Variants in MCRS1 observed in about 807,000 individuals in gnomAD.
MCRS1 encodes microspherule protein 1.
MCRS1 carries 22 observed loss-of-function variants against 62.9 expected under a neutral mutation model. The ratio of observed to expected loss-of-function variants is 0.35; its 90% CI spans 0.25 to 0.50. The LOEUF (loss-of-function observed/expected upper bound fraction) is 0.50. Among genes scored for constraint, MCRS1 ranks in the 20% least tolerant of loss-of-function variants. MCRS1 has a pLI of 0.98. For synonymous variants in MCRS1, 244 were observed against 233.5 expected (o/e 1.04, Z -0.41); for missense variants, 456 against 601.1 (o/e 0.76, Z 2.52).
At chr12:49,564,114 G>A (rs1246437847) in intron 6 of MCRS1, among the ~76,000 whole-genome samples, 2 of 152,152 alleles carry the variant, frequency 1.3e-5, no homozygotes, top group African/African-American at 2.4e-5. Flanking sequence ...CTTGTTAGGA[G>A]GATGAAACTG....
chr12:49,560,875 A>AGTACGTGCTGGTGGGC (rs1938730519), intron 8 of MCRS1, among the ~76,000 whole-genome samples: 1 of 152,210 alleles, frequency 6.6e-6, no homozygotes, highest in Non-Finnish European at 1.5e-5. Context: ...CCACTGAGAA[A>AGTACGTGCTGGTGGGC]GTACGTGCTG....
intron 5 of MCRS1, 56 bp from the exon 6 acceptor site, chr12:49,564,646 T>C: frequency 1.9e-6 from 3 of 1,608,920 alleles, no homozygotes; most frequent in Non-Finnish European, 2.5e-6. Flanking sequence ...AACCCTTCTT[T>C]GCCACCCACA....
In MCRS1 at chr12:49,559,435, G is replaced by C; in HGVS notation, c.1086+18C>G. The C allele has an allele frequency of 6.2e-7, 1 of 1,613,926 alleles. No individual in the cohort carries two copies. Among genetic ancestry groups the C allele is most frequent in the Non-Finnish European group, 8.5e-7 (1 of 1,179,952 alleles). On this transcript the variant is annotated intron_variant, in intron 12 of 14. Coordinates refer to ENST00000343810, the MANE Select transcript of MCRS1 (RefSeq NM_006337.5). This position sits in a 1 kb window ranked among gnomAD's most constrained non-coding sequence, Gnocchi z 5.2. Reference sequence around the variant, plus strand: ...CAGAGGAAGCAGCCTAAGAAGGGCGGGGATGGGCCTGCCTCACCTCACGCG... The same window carrying C: ...CAGAGGAAGCAGCCTAAGAAGGGCGCGGATGGGCCTGCCTCACCTCACGCG...
rs779897555 is a variant in MCRS1, at chr12:49,560,348, G to C, written c.828C>G (p.Asp276Glu). The C allele has an allele frequency of 8.7e-6, 14 of 1,614,244 alleles. No individual in the cohort carries two copies. Among genetic ancestry groups the C allele is most frequent in the Admixed American group, 1.7e-5 (1 of 60,034 alleles). The change falls in exon 9 of 15, where the codon GAC (aspartate) becomes GAG (glutamate). Residue 276 changes from aspartate (D) to glutamate (E), a missense_variant. Transcript: ENST00000343810. Reference sequence around the variant, plus strand: ...CTGCATCAGAGAAGTTCAGCACTTGGTCCCCTTTGGGCAGCGGCTGCACTG... The same window carrying C: ...CTGCATCAGAGAAGTTCAGCACTTGCTCCCCTTTGGGCAGCGGCTGCACTG... Reference protein sequence around the residue: ...DQTVQPLPKGDQVLNFSDAED... With the variant: ...DQTVQPLPKGEQVLNFSDAED...
At chr12:49,560,017 G>A in intron 9 of MCRS1, 50 bp from the exon 10 acceptor site, 1 of 1,612,214 alleles carries the variant, frequency 6.2e-7, no homozygotes, top group African/African-American at 1.3e-5. Flanking sequence ...CAGCTTGCCT[G>A]TTACTTGGCT....
At chr12:49,563,619 C>A in intron 6 of MCRS1, 73 bp from the exon 7 acceptor site, 1 of 1,145,852 alleles carries the variant, frequency 8.7e-7, no homozygotes, top group Admixed American at 2.1e-5. Context: ...TACTATTTCC[C>A]CCAAACCTAC....
intron 1 of MCRS1, 199 bp downstream of exon 1, chr12:49,567,849 G>A (rs1468776754): frequency 2.6e-5 from 4 of 152,174 alleles, no homozygotes; most frequent in Admixed American, 6.5e-5. Flanking sequence ...CTCACCCCAC[G>A]GTCTCCATGC....
chr12:49,562,860 TGCAA>T, intron 8 of MCRS1, 137 bp downstream of exon 8: 1 of 1,118,124 alleles, frequency 8.9e-7, no homozygotes, highest in African/African-American at 1.6e-5. Context: ...TAGTTTTTTT[TGCAA>T]TGTGAGGTGA....
Position 49,566,688 on chromosome 12 carries a change from G to C in MCRS1, c.10+34C>G, listed in dbSNP as rs756896084. Reference sequence around the variant, plus strand: ...TGGAATCAGCAGATGCTTGGCGCCCGAGCATTTGGGGAGCTGTCCCGGCCT... The same window carrying C: ...TGGAATCAGCAGATGCTTGGCGCCCCAGCATTTGGGGAGCTGTCCCGGCCT... On this transcript the variant is annotated intron_variant, in intron 2 of 14. Transcript: ENST00000343810. 3 of 1,613,718 alleles carry C rather than the reference G, an allele frequency of 1.9e-6. No individual in the cohort carries two copies. In the Admixed American group the frequency reaches 5.0e-5, roughly 27 times the overall value.
intron 4 of MCRS1, 92 bp from the exon 5 acceptor site, chr12:49,564,987 G>GCAGCCCCAGCCC: frequency 6.8e-7 from 1 of 1,461,062 alleles, no homozygotes; most frequent in East Asian, 2.4e-5. Flanking sequence ...TGTGGCAGCG[G>GCAGCCCCAGCCC]CAGCCCCAGC....
chr12:49,564,930 C>A, intron 4 of MCRS1, 35 bp from the exon 5 acceptor site: 1 of 1,524,962 alleles, frequency 6.6e-7, no homozygotes, highest in Non-Finnish European at 8.8e-7. Flanking sequence ...AAGCTCAAAG[C>A]CAGCATCCAG....
chr12:49,565,763 T>C, intron 3 of MCRS1, 96 bp from the exon 4 acceptor site: 2 of 1,550,570 alleles, frequency 1.3e-6, no homozygotes, highest in Admixed American at 3.4e-5. Flanking sequence ...CCCAGTAGGG[T>C]GCTATCTGCT....
In MCRS1 at chr12:49,565,571, C is replaced by A; in HGVS notation, c.246G>T (p.Gly82=). Residue 82 remains glycine (G), a synonymous_variant, in exon 4 of 15, where the codon GGG becomes GGT. Coordinates refer to ENST00000343810, the MANE Select transcript of MCRS1 (RefSeq NM_006337.5). ...RAKGASGVEP[G]RCSGSEPSSS... ...AGGAGGGTTCACTCCCCGAACAGCG[C>A]CCTGGTTCCACCCCACTGGCCCCCT... The A allele has an allele frequency of 6.2e-7, 1 of 1,611,272 alleles. No homozygotes were observed. The highest frequency in any genetic ancestry group is 1.3e-5 in the African/African-American group (1 of 74,996).
chr12:49,558,935 T>A lies in MCRS1; in HGVS notation c.1210A>T (p.Ile404Phe), dbSNP rs1190871876. Residue 404 changes from isoleucine (I) to phenylalanine (F), a missense_variant, in exon 14 of 15, where the codon ATT (isoleucine) becomes TTT (phenylalanine). Around this residue, in one of 3 missense-constraint regions of MCRS1, gnomAD observed 393 missense variants for 523.5 expected, o/e 0.75. Transcript: ENST00000343810. ...ATGGGCCGTCGACCCTCATTGGCAATGAAGAAATCACCGTTGTTCTTCAGC... is the reference window on the plus strand; with the variant it reads ...ATGGGCCGTCGACCCTCATTGGCAAAGAAGAAATCACCGTTGTTCTTCAGC... ...IKLKNNGDFF[I>F]ANEGRRPIYI... 1 of 1,612,394 alleles carries A rather than the reference T, an allele frequency of 6.2e-7. No individual in the cohort carries two copies. Among genetic ancestry groups the A allele is most frequent in the East Asian group, 2.2e-5 (1 of 44,816 alleles).
At chr12:49,566,551 A>G in intron 2 of MCRS1, 171 bp downstream of exon 2, 1 of 1,481,160 alleles carries the variant, frequency 6.8e-7, no homozygotes, top group Non-Finnish European at 9.2e-7. Context: ...GCAGCAGCTC[A>G]ACAGCAAGTC....
At position 49,559,424 on chromosome 12, in the gene MCRS1, T is replaced by C; in HGVS notation, c.1086+29A>G. On this transcript the variant is annotated intron_variant, in intron 12 of 14. Transcript: ENST00000343810. The surrounding 1 kb of genome is among the most constrained non-coding windows in gnomAD (Gnocchi z 5.2). ...AAAGGCACTGACAGAGGAAGCAGCCTAAGAAGGGCGGGGATGGGCCTGCCT... is the reference window on the plus strand; with the variant it reads ...AAAGGCACTGACAGAGGAAGCAGCCCAAGAAGGGCGGGGATGGGCCTGCCT... 5 of 1,613,626 alleles carry C rather than the reference T, an allele frequency of 3.1e-6. No homozygotes were observed. The highest frequency in any genetic ancestry group is 4.2e-6 in the Non-Finnish European group (5 of 1,179,746).
chr12:49,562,102 GA>G (rs1334400435), intron 8 of MCRS1, among the ~76,000 whole-genome samples: 6 of 152,190 alleles, frequency 3.9e-5, no homozygotes, highest in Non-Finnish European at 7.3e-5. Context: ...CTTAGGAACG[GA>G]AGATGGGGCC....
chr12:49,565,821 T>A, intron 3 of MCRS1, 154 bp from the exon 4 acceptor site: 1 of 1,194,142 alleles, frequency 8.4e-7, no homozygotes, highest in Non-Finnish European at 1.2e-6. Flanking sequence ...GCCATGGAAC[T>A]GCTACACTCC....
At chr12:49,566,641 GAC>G in intron 2 of MCRS1, 79 bp downstream of exon 2, 2 of 1,600,272 alleles carry the variant, frequency 1.2e-6, no homozygotes, top group South Asian at 2.2e-5. Flanking sequence ...AGGACCGAAA[GAC>G]ACACGTGCCA....
Sources: allele counts gnomAD v4.1 joint callset (sites outside exome capture counted in the v4.1 genomes callset), GRCh38; gene constraint gnomAD v4.1.1; regional missense constraint gnomAD v4.1.1; non-coding constraint Gnocchi (gnomAD v3.1); transcripts MANE v1.5; gene names NCBI Gene and HGNC (gene_info 2026-07-23, HGNC 2026-07-21).